The following GREB1 variants were observed in gnomAD, a reference collection of about 807,000 sequenced individuals.
GREB1 encodes the protein growth regulating estrogen receptor binding 1.
GREB1 carries 106 observed loss-of-function variants against 200.7 expected under a neutral mutation model. The observed-to-expected ratio is 0.53, with a 90% CI of 0.45 to 0.62. The LOEUF (loss-of-function observed/expected upper bound fraction) is 0.62, where lower values mean the gene tolerates loss of function less well. Among genes scored for constraint, GREB1 ranks in the 20% least tolerant of loss-of-function variants. The pLI is 0.00. For missense variants in GREB1, 2,243 were observed against 2,556.8 expected, an observed-to-expected ratio of 0.88 and a Z score of 2.65; for synonymous variants, 1,132 against 1,092.4, an observed-to-expected ratio of 1.04 and a Z score of -0.72.
At position 11,575,127 on chromosome 2, in the gene GREB1, GAGTTA is replaced by G. The variant is rs769187354; in HGVS notation, c.455-1225_455-1221del. Among the ~76,000 whole-genome samples the G allele has an allele frequency of 2.9e-3, 448 of 152,356 alleles. 3 individuals are homozygous for G. Among genetic ancestry groups the G allele is most frequent in the Non-Finnish European group, 5.4e-3 (368 of 68,042 alleles). ...ACCTTAGGGAAACTGTTTTAGAGCA[GAGTTA>G]CACACAGAGCCGGGTGGCCCTCACG... On this transcript the variant is annotated intron_variant, in intron 4 of 32. Coordinates refer to ENST00000381486, the MANE Select transcript of GREB1 (RefSeq NM_014668.4).
At chr2:11,514,618 G>T (rs2148456835) in intron 1 of GREB1, among the ~76,000 whole-genome samples, 1 of 152,306 alleles carries the variant, frequency 6.6e-6, no homozygotes, top group Admixed American at 6.5e-5. Flanking sequence ...AACTTTGGAG[G>T]TTTCAGTTGG....
At chr2:11,529,191 A>C (rs1673983545), upstream of GREB1, among the ~76,000 whole-genome samples, 1 of 152,248 alleles carries the variant, frequency 6.6e-6, no homozygotes, top group African/African-American at 2.4e-5. Flanking sequence ...AGCAGTAAAA[A>C]GACACATTGG....
chr2:11,591,249 C>T lies in GREB1; in HGVS notation c.1346-1527C>T, dbSNP rs1558598011. ...AGATATAAGCTAATTTAATCAAATTCTGGCACGGCCCACAGAGCAGGTGTC... is the reference window on the plus strand; with the variant it reads ...AGATATAAGCTAATTTAATCAAATTTTGGCACGGCCCACAGAGCAGGTGTC... On this transcript the variant is annotated intron_variant, in intron 10 of 32. Coordinates refer to ENST00000381486, the MANE Select transcript of GREB1 (RefSeq NM_014668.4). 25 of 602,768 alleles carry T rather than the reference C, an allele frequency of 4.1e-5. 1 individual carries two copies. 37.3% of individuals were successfully genotyped at this position (602,768 alleles called of 1,614,324 possible).
chr2:11,614,449 C>A (rs1445247646), intron 19 of GREB1, among the ~76,000 whole-genome samples: 1 of 151,902 alleles, frequency 6.6e-6, no homozygotes, highest in Non-Finnish European at 1.5e-5. Context: ...ATATTCATTC[C>A]CATCTTTCAG....
chr2:11,599,402 C>T (rs1418428586), intron 15 of GREB1, among the ~76,000 whole-genome samples: 1 of 149,856 alleles, frequency 6.7e-6, no homozygotes, highest in Non-Finnish European at 1.5e-5. Flanking sequence ...TGCAGTGGTG[C>T]GATCTCGGCT....
At chr2:11,555,226 A>G (rs1676315839) in intron 1 of GREB1, among the ~76,000 whole-genome samples, 1 of 152,242 alleles carries the variant, frequency 6.6e-6, no homozygotes, top group Non-Finnish European at 1.5e-5. Context: ...AATGAAATAG[A>G]AAATAAATGG....
At position 11,635,290 on chromosome 2, in the gene GREB1, A is replaced by G; in HGVS notation, c.5231A>G (p.Asp1744Gly). Residue 1744 changes from aspartate to glycine, a missense_variant, in exon 30 of 33, where the codon GAC becomes GGC. Asp to Gly is a moderately conservative substitution (Grantham distance 94, BLOSUM62 -1). Around this residue, in one of 3 missense-constraint regions of GREB1, gnomAD observed 478 missense variants for 616.3 expected, o/e 0.78. Coordinates refer to ENST00000381486, the MANE Select transcript of GREB1 (RefSeq NM_014668.4). ...NQNRFLCDDV[D>G]FNLRVHSAGL... ...AGTAGGTTCCTGTGTGACGATGTAG[A>G]CTTCAACCTGCGGGTGCACAGCGCC... 6.2e-7 allele frequency: 1 copy of G among 1,614,120 alleles called. No homozygotes were observed. Among genetic ancestry groups the G allele is most frequent in the Non-Finnish European group, 8.5e-7 (1 of 1,180,010 alleles).
At chr2:11,582,342 G>A (rs11679605) in intron 7 of GREB1, among the ~76,000 whole-genome samples, 36,055 of 152,178 alleles carry the variant, frequency 0.24, 5,319 homozygotes, top group Admixed American at 0.38. Context: ...AACACGAGCC[G>A]TTCCAGAATC....
At chr2:11,565,848 A>G (rs1374010808) in intron 3 of GREB1, among the ~76,000 whole-genome samples, 1 of 152,126 alleles carries the variant, frequency 6.6e-6, no homozygotes, top group Non-Finnish European at 1.5e-5. Context: ...TGCAGCATGT[A>G]AAAAACATCA....
intron 26 of GREB1, 40 bp downstream of exon 26, chr2:11,630,149 T>C (rs773944722): frequency 1.2e-6 from 2 of 1,603,624 alleles, no homozygotes; most frequent in Non-Finnish European, 8.5e-7. Flanking sequence ...TCCAAGTGGC[T>C]TCAACTGGGG....
intron 1 of GREB1, among the ~76,000 whole-genome samples, chr2:11,520,785 C>T (rs1304699514): frequency 6.6e-6 from 1 of 152,194 alleles, no homozygotes; most frequent in African/African-American, 2.4e-5. Context: ...CTGCAAAGTG[C>T]CATTTCCCAC....
intron 1 of GREB1, among the ~76,000 whole-genome samples, chr2:11,550,003 G>C (rs2147810746): frequency 6.6e-6 from 1 of 152,292 alleles, no homozygotes; most frequent in Non-Finnish European, 1.5e-5. Flanking sequence ...TGGATCACCT[G>C]AGTCAGGAGA....
Position 11,597,140 on chromosome 2 carries a change from G to A in GREB1, c.1955-641G>A, listed in dbSNP as rs1379424875. The stretch of plus-strand genomic sequence containing the variant: ...CGGTGGGCGATGAGAGGGCACTGGC[G>A]AGGGCCTCGGTCTGGCCTGGGAGGC... On this transcript the variant is annotated intron_variant, in intron 13 of 32. Coordinates refer to ENST00000381486, the MANE Select transcript of GREB1 (RefSeq NM_014668.4). The surrounding 1 kb of genome is among the most constrained non-coding windows in gnomAD (Gnocchi z 4.1). Among the ~76,000 whole-genome samples, 14 of 152,040 alleles carry A rather than the reference G, an allele frequency of 9.2e-5. No homozygotes were observed. The East Asian group carries it at 9.6e-4, about 10-fold the overall frequency.
intron 3 of GREB1, among the ~76,000 whole-genome samples, chr2:11,566,105 G>C (rs753001716): frequency 4.1e-4 from 62 of 152,114 alleles, no homozygotes; most frequent in Non-Finnish European, 7.2e-4. Flanking sequence ...TGCAACCTCT[G>C]CCTTACGGGT....
At chr2:11,494,105 G>A (rs921695862) in intron 1 of GREB1, among the ~76,000 whole-genome samples, 7 of 152,222 alleles carry the variant, frequency 4.6e-5, no homozygotes, top group African/African-American at 1.7e-4. Context: ...AAAGCCTAAG[G>A]ACTTGCCCAG....
Position 11,615,241 on chromosome 2 carries a change from T to G in GREB1, c.3273T>G (p.Ala1091=). Residue 1091 remains alanine, a synonymous_variant, in exon 20 of 33, where the codon GCT becomes GCG. Transcript: ENST00000381486. ...GGAACGAGGCCTTGGAGAGTGATGC[T>G]GAGAAGCTGAGCAGCACAGACAACG... ...GARNEALESD[A]EKLSSTDNED... 2 of 1,611,064 alleles carry G rather than the reference T, an allele frequency of 1.2e-6. No individual in the cohort carries two copies. Among genetic ancestry groups the G allele is most frequent in the Non-Finnish European group, 1.7e-6 (2 of 1,178,454 alleles).
chr2:11,577,589 G>C (rs1287478262), intron 5 of GREB1, among the ~76,000 whole-genome samples: 1 of 152,194 alleles, frequency 6.6e-6, no homozygotes. Flanking sequence ...TCAGCGGCCT[G>C]CCATGGGTGG....
intron 1 of GREB1, among the ~76,000 whole-genome samples, chr2:11,511,892 C>T (rs955094352): frequency 1.3e-5 from 2 of 152,078 alleles, no homozygotes; most frequent in African/African-American, 4.8e-5. Context: ...AGCGCTGGTC[C>T]GTGGAGGAGA....
chr2:11,566,019 T>TTATATATATATATA (rs60231852), intron 3 of GREB1, among the ~76,000 whole-genome samples: 15 of 149,086 alleles, frequency 1.0e-4, no homozygotes, highest in African/African-American at 3.7e-4. Flanking sequence ...ATAACTATGA[T>TTATATATATATATA]TATATATATA....
Sources: allele counts gnomAD v4.1 joint callset (sites outside exome capture counted in the v4.1 genomes callset), GRCh38; gene constraint gnomAD v4.1.1; regional missense constraint gnomAD v4.1.1; non-coding constraint Gnocchi (gnomAD v3.1); transcripts MANE v1.5; gene names NCBI Gene and HGNC (gene_info 2026-07-23, HGNC 2026-07-21).